The following FARP1 variants were observed in gnomAD, a reference collection of about 807,000 sequenced individuals.
FARP1 encodes FERM, ARHGEF and pleckstrin domain-containing protein 1.
FARP1 carries 52 observed loss-of-function variants against 128.8 expected under a neutral mutation model. The ratio of observed to expected loss-of-function variants is 0.40; its 90% CI spans 0.32 to 0.51. The LOEUF (loss-of-function observed/expected upper bound fraction) is 0.51. Among genes scored for constraint, FARP1 ranks in the 20% least tolerant of loss-of-function variants. FARP1 has a pLI of 0.45. For synonymous variants in FARP1, 580 were observed against 551.8 expected, an observed-to-expected ratio of 1.05 and a Z score of -0.72; for missense variants, 1,333 against 1,367.9, an observed-to-expected ratio of 0.97 and a Z score of 0.40.
intron 2 of FARP1, among the ~76,000 whole-genome samples, chr13:98,339,932 C>A (rs921505600): frequency 6.6e-6 from 1 of 152,098 alleles, no homozygotes; most frequent in Non-Finnish European, 1.5e-5. Flanking sequence ...TAGGACTCAA[C>A]ACGCCCTCAT....
At chr13:98,415,976 A>C (rs557402874) in intron 16 of FARP1, among the ~76,000 whole-genome samples, 1 of 152,368 alleles carries the variant, frequency 6.6e-6, no homozygotes, top group East Asian at 1.9e-4. Flanking sequence ...GTGTTACGCA[A>C]ATGGCACAGT....
intron 3 of FARP1, among the ~76,000 whole-genome samples, chr13:98,349,855 C>T (rs143777837): frequency 6.6e-6 from 1 of 152,206 alleles, no homozygotes; most frequent in East Asian, 1.9e-4. Context: ...TTTTGAGGGG[C>T]AGGAGGTCAT....
chr13:98,319,751 A>G (rs1886908908), intron 2 of FARP1, among the ~76,000 whole-genome samples: 1 of 152,224 alleles, frequency 6.6e-6, no homozygotes, highest in Non-Finnish European at 1.5e-5. Flanking sequence ...TTTTCCTCAA[A>G]TAACTTGGTA....
chr13:98,204,589 T>TAAACC (rs371937886), intron 1 of FARP1, among the ~76,000 whole-genome samples: 67,643 of 151,968 alleles, frequency 0.45, 17,648 homozygotes, highest in Non-Finnish European at 0.58. Context: ...TACCTTTTGT[T>TAAACC]TTGCTGAAGT....
Position 98,437,900 on chromosome 13 carries a change from T to C in FARP1, c.2275-904T>C, listed in dbSNP as rs771267815. The C allele has an allele frequency of 1.4e-3, 1,830 of 1,264,718 alleles. 17 individuals are homozygous for C. In the African/African-American group the frequency reaches 0.039, roughly 27 times the overall value. The allele number at this position is 1,264,718 out of a possible 1,614,324, so 78.3% of individuals were successfully genotyped here. A position where few individuals can be genotyped will look rare whatever the true frequency, so the allele number is the denominator to read the frequency against. On this transcript the variant is annotated intron_variant, in intron 19 of 26. Transcript: ENST00000319562. ...GGTACTCCTTCCTAAGCTCAGATGA[T>C]CCCCTGATTCTTGGCACTCATCAGG...
chr13:98,222,519 G>C (rs1223277674), intron 2 of FARP1, among the ~76,000 whole-genome samples: 1 of 152,154 alleles, frequency 6.6e-6, no homozygotes, highest in Admixed American at 6.5e-5. Context: ...ACCTAAGCCT[G>C]TGTGTCACTC....
rs139325586 is a variant in FARP1 at position 98,388,507 on chromosome 13, C to G, written c.855+29C>G. The G allele has an allele frequency of 5.5e-5, 85 of 1,547,958 alleles. 1 individual carries two copies. Among genetic ancestry groups the G allele is most frequent in the Non-Finnish European group, 6.3e-5 (70 of 1,119,938 alleles). ...AGTGGTCCTGGCGGGAAAGGGGACC[C>G]GTTGAGCCATGGGATGGCGTGTGTC... is the stretch of plus-strand genomic sequence containing the variant. On this transcript the variant is annotated intron_variant, in intron 9 of 26. Transcript: ENST00000319562.
At chr13:98,208,869 G>A (rs1170704962) in intron 1 of FARP1, among the ~76,000 whole-genome samples, 1 of 152,170 alleles carries the variant, frequency 6.6e-6, no homozygotes, top group South Asian at 2.1e-4. Flanking sequence ...AGGAAGTAAG[G>A]AATTCATTAG....
chr13:98,356,145 C>T (rs935354022), intron 3 of FARP1, among the ~76,000 whole-genome samples: 1 of 152,064 alleles, frequency 6.6e-6, no homozygotes, highest in African/African-American at 2.4e-5. Flanking sequence ...TATTTTCTGC[C>T]TACATACTAA....
At position 98,309,152 on chromosome 13, in the gene FARP1, CCTTTTT is replaced by C. The variant is rs374541488; in HGVS notation, c.172-34609_172-34604del. ...ATATATTAATATTAATTTTAAGAGG[CCTTTTT>C]TTTTTTTTTTTTTTTTTTTTTTTTT... On this transcript the variant is annotated intron_variant, in intron 2 of 26. Coordinates refer to ENST00000319562, the MANE Select transcript of FARP1 (RefSeq NM_005766.4). Among the ~76,000 whole-genome samples the C allele has an allele frequency of 2.1e-3, 225 of 106,172 alleles. 16 individuals carry two copies. The highest frequency in any genetic ancestry group is 7.9e-3 in the African/African-American group (213 of 26,836). The allele number at this position is 106,172 out of a possible 152,430, so 69.7% of individuals were successfully genotyped here. A position where few individuals can be genotyped will look rare whatever the true frequency, so the allele number is the denominator to read the frequency against.
In FARP1 at chr13:98,390,110, T is replaced by C; in HGVS notation, c.1009T>C (p.Phe337Leu). The C allele has an allele frequency of 6.2e-7, 1 of 1,613,674 alleles. No homozygotes were observed. The highest frequency in any genetic ancestry group is 8.5e-7 in the Non-Finnish European group (1 of 1,179,884). The stretch of plus-strand genomic sequence containing the variant: ...CGTCCTCTTTAGCCGGGGGTCATCA[T>C]TTCGGTTCAGGTGAGGTCGCCACTT... ...KPVLFSRGSS[F>L]RFSGRTQKQV... The change falls in exon 10 of 27, where the codon TTT (phenylalanine) becomes CTT (leucine). Residue 337 changes from phenylalanine (F) to leucine (L), a missense_variant. By Grantham distance (22) the Phe-to-Leu change is conservative. Transcript: ENST00000319562.
At chr13:98,379,485 A>AC (rs1889806817) in intron 6 of FARP1, among the ~76,000 whole-genome samples, 1 of 150,996 alleles carries the variant, frequency 6.6e-6, no homozygotes, top group Admixed American at 6.7e-5. Context: ...CAGCTTACTA[A>AC]CCCCCCAGCC....
chr13:98,375,096 G>C (rs897733192), intron 5 of FARP1, among the ~76,000 whole-genome samples: 4 of 152,240 alleles, frequency 2.6e-5, no homozygotes, highest in African/African-American at 9.6e-5. Flanking sequence ...TCTAGGGCTT[G>C]ACTGATACAC....
At chr13:98,266,932 T>A (rs1884145126) in intron 2 of FARP1, among the ~76,000 whole-genome samples, 1 of 144,442 alleles carries the variant, frequency 6.9e-6, no homozygotes, top group South Asian at 2.2e-4. Flanking sequence ...GAAAATCTCT[T>A]GAACCTGGGA....
intron 2 of FARP1, among the ~76,000 whole-genome samples, chr13:98,330,562 C>T (rs956929132): frequency 1.4e-4 from 22 of 152,040 alleles, no homozygotes; most frequent in Admixed American, 2.6e-4. Flanking sequence ...CGAGACCAGC[C>T]TGACCAACAT....
chr13:98,389,866 C>A, intron 9 of FARP1, 91 bp from the exon 10 acceptor site: 2 of 1,283,424 alleles, frequency 1.6e-6, no homozygotes, highest in South Asian at 1.4e-5. Context: ...AAAACTTTAT[C>A]GGACAAAGCT....
Position 98,321,753 on chromosome 13 carries a change from C to T in FARP1, c.172-22009C>T, listed in dbSNP as rs533827891. Among the ~76,000 whole-genome samples, 4 of 152,306 alleles carry T rather than the reference C, an allele frequency of 2.6e-5. No homozygotes were observed. In the East Asian group the frequency reaches 5.8e-4, roughly 22 times the overall value. Reference sequence around the variant, plus strand: ...CTTAGTCATTAAAAGAAAACCATAGCTCTTTGAGCATTGTTATTTGGAAAT... The same window carrying T: ...CTTAGTCATTAAAAGAAAACCATAGTTCTTTGAGCATTGTTATTTGGAAAT... On this transcript the variant is annotated intron_variant, in intron 2 of 26. Coordinates refer to ENST00000319562, the MANE Select transcript of FARP1 (RefSeq NM_005766.4).
chr13:98,379,560 A>G (rs1309513829), intron 6 of FARP1, among the ~76,000 whole-genome samples: 5 of 152,124 alleles, frequency 3.3e-5, no homozygotes, highest in Non-Finnish European at 4.4e-5. Flanking sequence ...ATTAAATGGT[A>G]GCATACACAG....
rs1893198570 is a variant in FARP1, at chr13:98,451,658, G to A, written c.*3341G>A. 1 of 152,254 alleles carries A rather than the reference G, an allele frequency of 6.6e-6. No individual in the cohort carries two copies. The highest frequency in any genetic ancestry group is 1.9e-4 in the East Asian group (1 of 5,172). 9.4% of individuals were successfully genotyped at this position (152,254 alleles called of 1,614,324 possible). A position where few individuals can be genotyped will look rare whatever the true frequency, so the allele number is the denominator to read the frequency against. ...CCCAAGCTCACCCACTAACTTCCTT[G>A]CTTCCAAAAATCCTGTCTTAACTCC... is the stretch of plus-strand genomic sequence containing the variant. On this transcript the variant is annotated 3_prime_UTR_variant, in exon 27 of 27. Transcript: ENST00000319562.
Sources: gnomAD v4.1 joint callset for allele counts (sites outside exome capture counted in the v4.1 genomes callset) on GRCh38, gnomAD v4.1.1 for gene constraint, MANE v1.5 for transcripts, NCBI Gene and HGNC (gene_info 2026-07-23, HGNC 2026-07-21) for gene names.